Variants in FHIT observed in about 807,000 individuals in gnomAD.
FHIT encodes the protein bis(5'-adenosyl)-triphosphatase.
In FHIT, 19 loss-of-function variants were observed where a neutral mutation model predicts 17.9. That is an observed-to-expected ratio of 1.06 (90% CI 0.74 to 1.56). The LOEUF is 1.56. Among genes scored for constraint, FHIT ranks in the 40% most tolerant of loss-of-function variants. The probability of loss-of-function intolerance (pLI) is 0.00; values close to 1 mark genes in which losing one functional copy is unlikely to be tolerated. For missense variants in FHIT, 248 were observed against 189.2 expected, an observed-to-expected ratio of 1.31 and a Z score of -1.82; for synonymous variants, 81 against 69.7, an observed-to-expected ratio of 1.16 and a Z score of -0.81.
At chr3:60,443,504 G>T (rs1447209155) in intron 5 of FHIT, among the ~76,000 whole-genome samples, 1 of 152,064 alleles carries the variant, frequency 6.6e-6, no homozygotes, top group Non-Finnish European at 1.5e-5. Flanking sequence ...TTTTATCAAA[G>T]GCCTTTTCTG....
At chr3:60,964,384 C>T (rs1349029716) in intron 3 of FHIT, among the ~76,000 whole-genome samples, 8 of 151,970 alleles carry the variant, frequency 5.3e-5, no homozygotes, top group African/African-American at 1.9e-4. Context: ...GACTCTTTAT[C>T]CAATTTGCCA....
At chr3:60,740,029 G>C (rs1205946876) in intron 4 of FHIT, among the ~76,000 whole-genome samples, 5 of 152,202 alleles carry the variant, frequency 3.3e-5, no homozygotes, top group African/African-American at 1.2e-4. Flanking sequence ...CCTTCTATCT[G>C]ATTAGAGAGG....
chr3:60,587,007 A>G (rs2037928669), intron 4 of FHIT, among the ~76,000 whole-genome samples: 1 of 152,064 alleles, frequency 6.6e-6, no homozygotes, highest in South Asian at 2.1e-4. Flanking sequence ...AAAATTTTAA[A>G]AAATTCAAAC....
At chr3:60,152,371 C>A (rs2064020) in intron 5 of FHIT, among the ~76,000 whole-genome samples, 79,350 of 152,036 alleles carry the variant, frequency 0.52, 21,743 homozygotes, top group Non-Finnish European at 0.6. Context: ...ATTATTGTAG[C>A]TATTACTAAT....
At chr3:60,890,802 A>T (rs1705476807) in intron 3 of FHIT, among the ~76,000 whole-genome samples, 1 of 152,330 alleles carries the variant, frequency 6.6e-6, no homozygotes, top group South Asian at 2.1e-4. Context: ...ACTACATAAC[A>T]TGGAGTTAGT....
In FHIT at chr3:61,152,093, A is replaced by C. The variant is rs562246313; in HGVS notation, c.-164+48524T>G. Reference sequence around the variant, plus strand: ...TATGGGTGGGTAGGTAATTTCTATAAAGTTCAAAAGAGGGCAGTTAATCTG... The same window carrying C: ...TATGGGTGGGTAGGTAATTTCTATACAGTTCAAAAGAGGGCAGTTAATCTG... On this transcript the variant is annotated intron_variant, in intron 2 of 9. Transcript: ENST00000492590. Among the ~76,000 whole-genome samples, 15 of 152,324 alleles carry C rather than the reference A, an allele frequency of 9.8e-5. No individual in the cohort carries two copies. The East Asian group carries it at 2.9e-3, about 29-fold the overall frequency.
chr3:60,212,251 T>C (rs1047816540), intron 5 of FHIT, among the ~76,000 whole-genome samples: 5 of 152,118 alleles, frequency 3.3e-5, no homozygotes, highest in African/African-American at 1.2e-4. Flanking sequence ...AAGGACTGGC[T>C]CCAGTCACAC....
At chr3:60,878,256 C>G (rs576084725) in intron 3 of FHIT, among the ~76,000 whole-genome samples, 1 of 152,036 alleles carries the variant, frequency 6.6e-6, no homozygotes, top group African/African-American at 2.4e-5. Context: ...GAACCTGTAC[C>G]CCAGGACCCA....
chr3:60,830,099 T>C (rs1702280233), intron 3 of FHIT, among the ~76,000 whole-genome samples: 1 of 152,148 alleles, frequency 6.6e-6, no homozygotes, highest in Non-Finnish European at 1.5e-5. Context: ...CTTCTTTTTT[T>C]TCTTTCAGTG....
chr3:61,122,688 G>A (rs530225301), intron 2 of FHIT, among the ~76,000 whole-genome samples: 33 of 152,156 alleles, frequency 2.2e-4, no homozygotes, highest in South Asian at 1.7e-3. Flanking sequence ...AAAAGTGGGC[G>A]AAGGATATGA....
chr3:59,990,259 C>A (rs1709166790), intron 7 of FHIT, among the ~76,000 whole-genome samples: 1 of 151,980 alleles, frequency 6.6e-6, no homozygotes, highest in African/African-American at 2.4e-5. Context: ...GCTCACAGGG[C>A]ACTATTTGGC....
chr3:60,735,330 C>A (rs782116377), intron 4 of FHIT, among the ~76,000 whole-genome samples: 9 of 152,166 alleles, frequency 5.9e-5, no homozygotes, highest in Non-Finnish European at 1.2e-4. Context: ...TGGGGAATCC[C>A]CTTCTCCAGT....
intron 3 of FHIT, among the ~76,000 whole-genome samples, chr3:60,919,772 A>G (rs1229400833): frequency 6.6e-6 from 1 of 152,194 alleles, no homozygotes; most frequent in African/African-American, 2.4e-5. Flanking sequence ...GCAGTGGCTC[A>G]TGCTTGTAAT....
intron 1 of FHIT, among the ~76,000 whole-genome samples, chr3:61,241,431 G>A (rs914641471): frequency 2.0e-5 from 3 of 152,108 alleles, no homozygotes; most frequent in Admixed American, 2.0e-4. Context: ...GTTTTGCTTT[G>A]TTTTTTCAAA....
chr3:59,982,081 G>A (rs9813260), intron 7 of FHIT, among the ~76,000 whole-genome samples: 2,531 of 152,180 alleles, frequency 0.017, 84 homozygotes, highest in African/African-American at 0.058. Context: ...ACAACATGAA[G>A]AGATAAATAG....
chr3:60,915,398 C>A (rs1575683829), intron 3 of FHIT, among the ~76,000 whole-genome samples: 1 of 152,234 alleles, frequency 6.6e-6, no homozygotes, highest in East Asian at 1.9e-4. Flanking sequence ...TTATAATAAG[C>A]AGTATTACTA....
chr3:59,753,028 A>T (rs1214070889), intron 8 of FHIT, among the ~76,000 whole-genome samples: 1 of 152,162 alleles, frequency 6.6e-6, no homozygotes, highest in Non-Finnish European at 1.5e-5. Flanking sequence ...TTTAACAGGC[A>T]TCATTCATTT....
At chr3:61,003,090 T>C (rs559078249) in intron 3 of FHIT, among the ~76,000 whole-genome samples, 1 of 152,328 alleles carries the variant, frequency 6.6e-6, no homozygotes, top group African/African-American at 2.4e-5. Context: ...TGCAGTGATA[T>C]AAAATTAAAA....
chr3:61,003,109 C>G (rs1167708874), intron 3 of FHIT, among the ~76,000 whole-genome samples: 9 of 152,152 alleles, frequency 5.9e-5, no homozygotes, highest in Non-Finnish European at 1.2e-4. Context: ...AACTAAAGCA[C>G]AGGAGAAGAA....
Sources: allele counts gnomAD v4.1 joint callset (sites outside exome capture counted in the v4.1 genomes callset), GRCh38; gene constraint gnomAD v4.1.1; transcripts MANE v1.5; gene names NCBI Gene and HGNC (gene_info 2026-07-23, HGNC 2026-07-21).